MMP21: variants seen among roughly 807,000 people sequenced by gnomAD.
MMP21 encodes the protein matrix metallopeptidase 21.
In MMP21, 40 loss-of-function variants were observed where a neutral mutation model predicts 47.8. That is an observed-to-expected ratio of 0.84 (90% CI 0.65 to 1.09). The LOEUF is 1.09. MMP21 is among the 50% of genes least tolerant of loss of function. The pLI, the probability that MMP21 is intolerant of heterozygous loss-of-function variation, is 0.00. For missense variants in MMP21, 747 were observed against 775.3 expected (o/e 0.96, Z 0.43); for synonymous variants, 341 against 318.0 (o/e 1.07, Z -0.77).
intron 1 of MMP21, among the ~76,000 whole-genome samples, chr10:125,774,923 TG>T (rs1358173355): frequency 6.6e-6 from 1 of 152,104 alleles, no homozygotes; most frequent in South Asian, 2.1e-4. Flanking sequence ...TCTGAGGACC[TG>T]GGGGGCTTCC....
intron 4 of MMP21, 76 bp from the exon 5 acceptor site, chr10:125,770,667 T>G (rs1850436648): frequency 6.6e-7 from 1 of 1,508,786 alleles, no homozygotes; most frequent in Non-Finnish European, 9.0e-7. Flanking sequence ...GTGACTTGAA[T>G]GAAGACAGTT....
Position 125,770,500 on chromosome 10 carries a change from A to C in MMP21, c.1071T>G (p.Tyr357Ter). The stretch of plus-strand genomic sequence containing the variant: ...GCCAGTACCAGCTGTTACGGAAGAA[A>C]TATGTGCTAAATCTCACCATCACCT... ...YGEVMVRFST[Y>*]FFRNSWYWLY... is the part of the protein sequence containing the mutation. The change falls in exon 5 of 7, where the codon TAT becomes TAG. Residue 357 changes from tyrosine to a stop codon, truncating the protein, a stop_gained. Coordinates refer to ENST00000368808, the MANE Select transcript of MMP21 (RefSeq NM_147191.1). LOFTEE classifies it high-confidence loss of function. 6.2e-7 allele frequency: 1 copy of C among 1,614,180 alleles called. No individual in the cohort carries two copies. Among genetic ancestry groups the C allele is most frequent in the Non-Finnish European group, 8.5e-7 (1 of 1,180,038 alleles).
chr10:125,772,381 G>A lies in MMP21; in HGVS notation c.838-22C>T, dbSNP rs1175417525. 1 of 1,613,654 alleles carries A rather than the reference G, an allele frequency of 6.2e-7. No homozygotes were observed. The highest frequency in any genetic ancestry group is 1.1e-5 in the South Asian group (1 of 91,036). On this transcript the variant is annotated intron_variant, in intron 3 of 6. Coordinates refer to ENST00000368808, the MANE Select transcript of MMP21 (RefSeq NM_147191.1). This position sits in a 1 kb window ranked among gnomAD's most constrained non-coding sequence, Gnocchi z 5.6. The stretch of plus-strand genomic sequence containing the variant: ...CCACCTAGAAGGGGACACACACCAT[G>A]GGTGCTGGGTGAAGCCTGGGCGATG...
At position 125,772,853 on chromosome 10, in the gene MMP21, T is replaced by G. The variant is rs1471223705; in HGVS notation, c.698-103A>C. The G allele has an allele frequency of 7.6e-7, 1 of 1,320,538 alleles. No individual in the cohort carries two copies. Among genetic ancestry groups the G allele is most frequent in the African/African-American group, 1.4e-5 (1 of 69,004 alleles). 81.8% of individuals were successfully genotyped at this position (1,320,538 alleles called of 1,614,324 possible). A position where few individuals can be genotyped will look rare whatever the true frequency, so the allele number is the denominator to read the frequency against. On this transcript the variant is annotated intron_variant, in intron 2 of 6. Transcript: ENST00000368808. The surrounding 1 kb of genome is among the most constrained non-coding windows in gnomAD (Gnocchi z 5.6). The stretch of plus-strand genomic sequence containing the variant: ...AGCCTCCAGGAGCCGGCAGCAGAGG[T>G]AGACAGAGTGGCAGCTCCTGGATTA...
chr10:125,772,538 G>C lies in MMP21; in HGVS notation c.837+73C>G. 1 of 1,605,624 alleles carries C rather than the reference G, an allele frequency of 6.2e-7. No individual in the cohort carries two copies. The highest frequency in any genetic ancestry group is 1.1e-5 in the South Asian group (1 of 90,862). Reference sequence around the variant, plus strand: ...AGGTTGCGGACACTACATGAGAAAAGCTTGGACTTTTTGGACGTCAGCCCA... The same window carrying C: ...AGGTTGCGGACACTACATGAGAAAACCTTGGACTTTTTGGACGTCAGCCCA... On this transcript the variant is annotated intron_variant, in intron 3 of 6. Coordinates refer to ENST00000368808, the MANE Select transcript of MMP21 (RefSeq NM_147191.1). The surrounding 1 kb of genome is among the most constrained non-coding windows in gnomAD (Gnocchi z 5.6).
chr10:125,771,494 C>T (rs749353414), intron 4 of MMP21, among the ~76,000 whole-genome samples: 1 of 151,896 alleles, frequency 6.6e-6, no homozygotes, highest in Non-Finnish European at 1.5e-5. Flanking sequence ...ACCTCCACCT[C>T]ATGGGTTCAA....
At chr10:125,767,486 T>G in intron 6 of MMP21, 46 bp downstream of exon 6, 1 of 1,558,982 alleles carries the variant, frequency 6.4e-7, no homozygotes, top group East Asian at 2.2e-5. Context: ...CGAATCTCTA[T>G]TAGGGATGAC....
chr10:125,774,299 G>C lies in MMP21; in HGVS notation c.229C>G (p.Pro77Ala), dbSNP rs1375381802. The C allele has an allele frequency of 2.1e-6, 3 of 1,417,870 alleles. No homozygotes were observed. In the South Asian group the frequency reaches 4.4e-5, roughly 21 times the overall value. 87.8% of individuals were successfully genotyped at this position (1,417,870 alleles called of 1,614,324 possible). ...AGGGCGGCGCCCTTGGGGGTCTCCG[G>C]CGGCCCCTCGGGACTGGGCCCCCAG... ...AAWGPSPEGP[P>A]ETPKGAALAE... Residue 77 changes from proline (P) to alanine (A), a missense_variant, in exon 2 of 7, where the codon CCG becomes GCG. By Grantham distance (27) the Pro-to-Ala change is conservative (BLOSUM62 -1). Coordinates refer to ENST00000368808, the MANE Select transcript of MMP21 (RefSeq NM_147191.1).
In MMP21 at chr10:125,773,717, G is replaced by T; in HGVS notation, c.697+114C>A. The stretch of plus-strand genomic sequence containing the variant: ...CCTGCCCCGCTGACAGGTGCCCCCG[G>T]GACAGGCCGGGAGGGCTTAGCCCCC... On this transcript the variant is annotated intron_variant, in intron 2 of 6. Transcript: ENST00000368808. This position sits in a 1 kb window ranked among gnomAD's most constrained non-coding sequence, Gnocchi z 4.8. 1 of 1,335,182 alleles carries T rather than the reference G, an allele frequency of 7.5e-7. No homozygotes were observed. The highest frequency in any genetic ancestry group is 1.8e-5 in the South Asian group (1 of 56,836). The allele number at this position is 1,335,182 out of a possible 1,614,324, so 82.7% of individuals were successfully genotyped here.
In MMP21 at chr10:125,774,225, G is replaced by A; in HGVS notation, c.303C>T (p.Ser101=). 2 of 1,389,636 alleles carry A rather than the reference G, an allele frequency of 1.4e-6. No individual in the cohort carries two copies. Among genetic ancestry groups the A allele is most frequent in the African/African-American group, 1.5e-5 (1 of 65,792 alleles). The allele number at this position is 1,389,636 out of a possible 1,614,324, so 86.1% of individuals were successfully genotyped here. The change falls in exon 2 of 7, where the codon AGC becomes AGT. Residue 101 remains serine, a synonymous_variant. Transcript: ENST00000368808. The part of the protein sequence containing the change: ...RFQRANALPA[S]GELDAATLAA... ...CTAGGGTGGCCGCGTCCAGCTCCCC[G>A]CTGGCCGGCAGCGCGTTCGCCCGCT...
In MMP21 at chr10:125,774,269, C is replaced by A; in HGVS notation, c.259G>T (p.Glu87Ter). 7.1e-7 allele frequency: 1 copy of A among 1,414,266 alleles called. No homozygotes were observed. Among genetic ancestry groups the A allele is most frequent in the Non-Finnish European group, 9.2e-7 (1 of 1,090,782 alleles). The allele number at this position is 1,414,266 out of a possible 1,614,324, so 87.6% of individuals were successfully genotyped here. A position where few individuals can be genotyped will look rare whatever the true frequency, so the allele number is the denominator to read the frequency against. Residue 87 changes from glutamate to a stop codon, truncating the protein, a stop_gained, in exon 2 of 7, where the codon GAG (glutamate) becomes TAG (stop). Transcript: ENST00000368808. LOFTEE classifies it high-confidence loss of function. The part of the protein sequence containing the change: ...PETPKGAALA[E>*]AVRRFQRANA... ...GCCCGCTGGAACCTGCGCACCGCCT[C>A]GGCCAGGGCGGCGCCCTTGGGGGTC...
intron 4 of MMP21, 121 bp from the exon 5 acceptor site, chr10:125,770,712 G>A: frequency 9.0e-7 from 1 of 1,115,172 alleles, no homozygotes; most frequent in African/African-American, 1.6e-5. Flanking sequence ...ACACCTTAAA[G>A]CAAGACACCA....
In MMP21 at chr10:125,773,863, GC is replaced by G; in HGVS notation, c.664del (p.Ala222ProfsTer34). On this transcript the variant is annotated frameshift_variant, in exon 2 of 7. Coordinates refer to ENST00000368808, the MANE Select transcript of MMP21 (RefSeq NM_147191.1). LOFTEE classifies it high-confidence loss of function. The surrounding 1 kb of genome is among the most constrained non-coding windows in gnomAD (Gnocchi z 4.8). ...AAAGCCCAGCTTGATGTCGACCGCG[GC>G]CCCGGGGGCGGCCAGGTCCTCGCGG... ...DFREDLAAPG[A>X]AVDIKLGFGR... is the part of the protein sequence containing the mutation. 1.3e-6 allele frequency: 2 copies of G among 1,568,774 alleles called. No homozygotes were observed. The highest frequency in any genetic ancestry group is 1.4e-5 in the African/African-American group (1 of 72,082).
intron 5 of MMP21, among the ~76,000 whole-genome samples, chr10:125,768,316 GA>G (rs1018008809): frequency 1.2e-4 from 19 of 152,194 alleles, no homozygotes; most frequent in Non-Finnish European, 4.4e-5. Flanking sequence ...GCTGAGCCAG[GA>G]ATGCAAGCCA....
chr10:125,774,866 G>A (rs1469323987), intron 1 of MMP21, among the ~76,000 whole-genome samples: 1 of 152,210 alleles, frequency 6.6e-6, no homozygotes, highest in Non-Finnish European at 1.5e-5. Context: ...TGGGAGGCAC[G>A]TCCTGAGAGC....
chr10:125,772,341 C>T lies in MMP21; in HGVS notation c.856G>A (p.Gly286Ser). The change falls in exon 4 of 7, where the codon GGC (glycine) becomes AGC (serine). Residue 286 changes from glycine to serine, a missense_variant. Physicochemically the swap from Gly to Ser is moderately conservative, Grantham distance 56 (BLOSUM62 0). Coordinates refer to ENST00000368808, the MANE Select transcript of MMP21 (RefSeq NM_147191.1). This position sits in a 1 kb window ranked among gnomAD's most constrained non-coding sequence, Gnocchi z 5.6. ...SLLKVAVHEI[G>S]HVLGLPHTYR... The stretch of plus-strand genomic sequence containing the variant: ...GTGTGAGGCAAGCCCAGGACATGGC[C>T]AATTTCATGGACGGCCACCTAGAAG... The T allele has an allele frequency of 1.2e-6, 2 of 1,614,054 alleles. No individual in the cohort carries two copies. Among genetic ancestry groups the T allele is most frequent in the Non-Finnish European group, 1.7e-6 (2 of 1,180,016 alleles).
rs1339707997 is a variant in MMP21 at position 125,766,635 on chromosome 10, T to C, written c.*27A>G. 2 of 1,554,012 alleles carry C rather than the reference T, an allele frequency of 1.3e-6. No homozygotes were observed. The highest frequency in any genetic ancestry group is 1.4e-5 in the African/African-American group (1 of 72,684). On this transcript the variant is annotated 3_prime_UTR_variant, in exon 7 of 7. Transcript: ENST00000368808. ...GTATCAGAATTTTAGCGAAGTCCTA[T>C]GACCCTCCATTTCCTACTTTTTCTT...
At chr10:125,775,392 A>T (rs933723651) in intron 1 of MMP21, among the ~76,000 whole-genome samples, 1 of 152,228 alleles carries the variant, frequency 6.6e-6, no homozygotes, top group Non-Finnish European at 1.5e-5. Flanking sequence ...TTGGAAAGGC[A>T]CTTGGCATTT....
intron 4 of MMP21, among the ~76,000 whole-genome samples, chr10:125,771,915 A>T (rs1850450162): frequency 1.3e-5 from 2 of 152,092 alleles, no homozygotes. Context: ...CTCTGGTGGG[A>T]TGCCACAGCA....
Sources: allele counts gnomAD v4.1 joint callset (sites outside exome capture counted in the v4.1 genomes callset), GRCh38; gene constraint gnomAD v4.1.1; non-coding constraint Gnocchi (gnomAD v3.1); transcripts MANE v1.5; gene names NCBI Gene and HGNC (gene_info 2026-07-23, HGNC 2026-07-21).